Variants in FBXO36 observed in about 807,000 individuals in gnomAD.
FBXO36 encodes F-box protein 36, also known as F-box only protein 36.
Under a neutral mutation model 17.0 loss-of-function variants are expected in FBXO36, and 18 were observed. That is an observed-to-expected ratio of 1.06 (90% confidence interval 0.73 to 1.57). The LOEUF is 1.57. FBXO36 is among the 40% of genes most tolerant of loss of function. The pLI is 0.00. For synonymous variants in FBXO36, 83 were observed against 85.3 expected (o/e 0.97, Z 0.15); for missense variants, 229 against 221.9 (o/e 1.03, Z -0.20).
chr2:230,003,666 G>T (rs2077371933), intron 3 of FBXO36, among the ~76,000 whole-genome samples: 1 of 152,092 alleles, frequency 6.6e-6, no homozygotes, highest in African/African-American at 2.4e-5. Context: ...CCAAGTAGCT[G>T]GGACTACAAG....
intron 1 of FBXO36, among the ~76,000 whole-genome samples, chr2:229,928,702 T>G (rs2076924621): frequency 1.3e-5 from 2 of 152,070 alleles, no homozygotes; most frequent in Non-Finnish European, 2.9e-5. Context: ...AGTTTTAGAG[T>G]GCAAATTGAT....
intron 3 of FBXO36, among the ~76,000 whole-genome samples, chr2:230,009,788 A>T (rs1429259129): frequency 1.3e-5 from 2 of 151,876 alleles, no homozygotes; most frequent in African/African-American, 4.8e-5. Flanking sequence ...ATAAAAAAAA[A>T]TACAAAAATT....
intron 1 of FBXO36, among the ~76,000 whole-genome samples, chr2:229,962,900 C>T (rs562104712): frequency 3.3e-5 from 5 of 152,232 alleles, no homozygotes; most frequent in Admixed American, 1.3e-4. Flanking sequence ...TGGTCTCAAA[C>T]TCCTGACCTC....
chr2:229,949,175 G>A (rs1008513789), intron 1 of FBXO36, among the ~76,000 whole-genome samples: 24 of 152,084 alleles, frequency 1.6e-4, no homozygotes, highest in Non-Finnish European at 5.9e-5. Context: ...GTCTGTATAA[G>A]CCACCCTTTT....
chr2:229,936,924 A>G (rs1354255914), intron 1 of FBXO36, among the ~76,000 whole-genome samples: 3 of 152,180 alleles, frequency 2.0e-5, no homozygotes, highest in Non-Finnish European at 4.4e-5. Context: ...CATCAATACT[A>G]AATTTCTGCA....
At chr2:229,926,146 G>A (rs977509307) in intron 1 of FBXO36, among the ~76,000 whole-genome samples, 2 of 130,350 alleles carry the variant, frequency 1.5e-5, no homozygotes, top group African/African-American at 3.1e-5. Flanking sequence ...AAAAAAAAAA[G>A]GGGGGGCTGA....
At chr2:229,956,278 T>G (rs964852564) in intron 1 of FBXO36, among the ~76,000 whole-genome samples, 2 of 152,252 alleles carry the variant, frequency 1.3e-5, no homozygotes, top group Non-Finnish European at 2.9e-5. Context: ...TTCAGATGGC[T>G]GACTTCTTGC....
chr2:229,948,504 A>T (rs1577335220), intron 1 of FBXO36, among the ~76,000 whole-genome samples: 1 of 134,246 alleles, frequency 7.4e-6, no homozygotes, highest in South Asian at 2.6e-4. Flanking sequence ...TTAGCCGAAC[A>T]CTTGGGCTTT....
In FBXO36 at chr2:229,996,868, A is replaced by T. The variant is rs1402373132; in HGVS notation, c.323A>T (p.Tyr108Phe). ...GATTTGCTCCTGACTATCATTTCTT[A>T]TCTGGATCTTGAAGATATTGCCAGG... Reference protein sequence around the residue: ...SDDLLLTIISYLDLEDIARLC... With the variant: ...SDDLLLTIISFLDLEDIARLC... The change falls in exon 3 of 4, where the codon TAT becomes TTT. Residue 108 changes from tyrosine (Y) to phenylalanine (F), a missense_variant. Tyr to Phe is a conservative substitution (Grantham distance 22). Coordinates refer to ENST00000283946, the MANE Select transcript of FBXO36 (RefSeq NM_174899.5). 6.2e-7 allele frequency: 1 copy of T among 1,614,072 alleles called. No homozygotes were observed. The highest frequency in any genetic ancestry group is 2.2e-5 in the East Asian group (1 of 44,866).
intron 1 of FBXO36, among the ~76,000 whole-genome samples, chr2:229,952,152 T>C (rs1479576678): frequency 6.6e-6 from 1 of 152,224 alleles, no homozygotes; most frequent in East Asian, 1.9e-4. Flanking sequence ...ATAACTATCA[T>C]AACCAGACTG....
intron 2 of FBXO36, among the ~76,000 whole-genome samples, chr2:229,995,592 C>CTTTTTTTTTTTTTTTTTTTTTTTTTTTTT (rs748422157): frequency 8.7e-6 from 1 of 114,552 alleles, no homozygotes; most frequent in Non-Finnish European, 1.8e-5. Context: ...CTCTTTCTTT[C>CTTTTTTTTTTTTTTTTTTTTTTTTTTTTT]TTTCTTTTTT....
At chr2:229,977,379 A>G (rs1049479101) in intron 2 of FBXO36, among the ~76,000 whole-genome samples, 9 of 152,244 alleles carry the variant, frequency 5.9e-5, no homozygotes, top group African/African-American at 1.4e-4. Context: ...ATTGCTTCCC[A>G]ATTAATTATT....
At position 229,924,500 on chromosome 2, in the gene FBXO36, AAGTT is replaced by A. The variant is rs572490654; in HGVS notation, c.96+1894_96+1897del. Reference sequence around the variant, plus strand: ...TTTTCTATTTTTATCTACCTCAAGTAAGTTAGAATGTTTTAATTTTTACAGCCTT... The same window carrying A: ...TTTTCTATTTTTATCTACCTCAAGTAAGAATGTTTTAATTTTTACAGCCTT... On this transcript the variant is annotated intron_variant, in intron 1 of 3. Coordinates refer to ENST00000283946, the MANE Select transcript of FBXO36 (RefSeq NM_174899.5). 4.7e-3 allele frequency among the ~76,000 whole-genome samples: 711 copies of A among 152,364 alleles called. 3 individuals are homozygous for A. The highest frequency in any genetic ancestry group is 0.016 in the African/African-American group (682 of 41,588).
intron 1 of FBXO36, among the ~76,000 whole-genome samples, chr2:229,930,505 C>G (rs1349027823): frequency 6.6e-6 from 1 of 152,038 alleles, no homozygotes; most frequent in Non-Finnish European, 1.5e-5. Context: ...AATCCCAGCA[C>G]TTTGAGAGGT....
chr2:230,003,125 G>A (rs984719413), intron 3 of FBXO36, among the ~76,000 whole-genome samples: 3 of 149,620 alleles, frequency 2.0e-5, no homozygotes, highest in Admixed American at 6.8e-5. Context: ...CAAGAGAATC[G>A]CTTGAACCCA....
intron 1 of FBXO36, among the ~76,000 whole-genome samples, chr2:229,935,946 G>A (rs1373190961): frequency 6.6e-6 from 1 of 152,186 alleles, no homozygotes; most frequent in African/African-American, 2.4e-5. Context: ...CCAGGACTTT[G>A]GGAGGCCAAG....
intron 1 of FBXO36, among the ~76,000 whole-genome samples, chr2:229,965,691 C>G (rs1267985812): frequency 6.6e-6 from 1 of 152,116 alleles, no homozygotes; most frequent in Admixed American, 6.6e-5. Context: ...CATGTCCCTA[C>G]AAAGGACATG....
chr2:229,963,208 GGCACC>G (rs2077132954), intron 1 of FBXO36, among the ~76,000 whole-genome samples: 1 of 151,838 alleles, frequency 6.6e-6, no homozygotes, highest in Non-Finnish European at 1.5e-5. Flanking sequence ...TGGGATTACA[GGCACC>G]TGCCACCACA....
chr2:230,002,573 A>G (rs1213502334), intron 3 of FBXO36, among the ~76,000 whole-genome samples: 1 of 151,894 alleles, frequency 6.6e-6, no homozygotes, highest in East Asian at 1.9e-4. Context: ...TTGTAGAGAC[A>G]GGGTTTTGCC....
Sources: gnomAD v4.1 joint callset for allele counts (sites outside exome capture counted in the v4.1 genomes callset) on GRCh38, gnomAD v4.1.1 for gene constraint, MANE v1.5 for transcripts, NCBI Gene and HGNC (gene_info 2026-07-23, HGNC 2026-07-21) for gene names.